Variants in MACROH2A1 observed in about 807,000 individuals in gnomAD.
MACROH2A1 encodes macroH2A.1 histone, also known as core histone macro-H2A.1.
In MACROH2A1, 2 loss-of-function variants were observed where a neutral mutation model predicts 31.6. That is an observed-to-expected ratio of 0.06 (90% CI 0.03 to 0.20). The LOEUF is 0.20. MACROH2A1 is among the 10% of genes least tolerant of loss of function. The pLI is 1.00. For synonymous variants in MACROH2A1, 169 were observed against 189.6 expected, an observed-to-expected ratio of 0.89 and a Z score of 0.89; for missense variants, 230 against 474.0, an observed-to-expected ratio of 0.49 and a Z score of 4.78.
At chr5:135,364,250 G>A (rs1432281824) in intron 4 of MACROH2A1, among the ~76,000 whole-genome samples, 1 of 152,176 alleles carries the variant, frequency 6.6e-6, no homozygotes, top group Admixed American at 6.5e-5. Context: ...GAGGGTGTGG[G>A]GCTGGGGGAA....
At chr5:135,357,235 T>G (rs1762283133) in intron 5 of MACROH2A1, 1 of 152,240 alleles carries the variant, frequency 6.6e-6, no homozygotes, top group Non-Finnish European at 1.5e-5. Context: ...TAGATACTGC[T>G]GGATGTCCAG....
rs147472696 is a variant in MACROH2A1, at chr5:135,364,753, A to T, written c.478-4146T>A. The stretch of plus-strand genomic sequence containing the variant: ...TCTTATTCTAATGTTTGAACAACCT[A>T]AAATTTCAATAGAAGGCCAGCAAAT... On this transcript the variant is annotated intron_variant, in intron 4 of 8. Coordinates refer to ENST00000511689, the MANE Select transcript of MACROH2A1 (RefSeq NM_138610.3). Among the ~76,000 whole-genome samples the T allele has an allele frequency of 4.6e-5, 7 of 152,344 alleles. No homozygotes were observed. In the East Asian group the frequency reaches 1.2e-3, roughly 25 times the overall value.
chr5:135,382,935 G>C (rs1765852230), intron 2 of MACROH2A1, among the ~76,000 whole-genome samples: 2 of 152,336 alleles, frequency 1.3e-5, no homozygotes, highest in African/African-American at 4.8e-5. Context: ...CTCTACAGCT[G>C]GATTCACATG....
At chr5:135,345,140 G>A (rs1760618364) in intron 7 of MACROH2A1, 1 of 152,256 alleles carries the variant, frequency 6.6e-6, no homozygotes, top group African/African-American at 2.4e-5. Flanking sequence ...AGAGGTCAAA[G>A]GCACAGATCA....
At chr5:135,373,001 C>T (rs570757189) in intron 2 of MACROH2A1, among the ~76,000 whole-genome samples, 106 of 152,290 alleles carry the variant, frequency 7.0e-4, no homozygotes, top group African/African-American at 2.5e-3. Flanking sequence ...CTTTATCTGC[C>T]CCCTCATTAA....
intron 8 of MACROH2A1, among the ~76,000 whole-genome samples, chr5:135,337,052 A>G (rs193300746): frequency 1.3e-5 from 2 of 152,310 alleles, no homozygotes; most frequent in East Asian, 3.9e-4. Flanking sequence ...AGCTGTGAGA[A>G]GTTGCATTTT....
chr5:135,362,100 G>A (rs549708935), intron 4 of MACROH2A1: 1 of 152,294 alleles, frequency 6.6e-6, no homozygotes, highest in Admixed American at 6.5e-5. Flanking sequence ...ATACTTTTCA[G>A]GAGCCAAGAA....
intron 2 of MACROH2A1, among the ~76,000 whole-genome samples, chr5:135,379,656 G>A (rs1373899787): frequency 6.6e-6 from 1 of 152,162 alleles, no homozygotes; most frequent in Non-Finnish European, 1.5e-5. Context: ...CTGTAAATAT[G>A]TTCTATCGGT....
intron 2 of MACROH2A1, among the ~76,000 whole-genome samples, chr5:135,384,737 C>T (rs531725548): frequency 6.6e-6 from 1 of 152,334 alleles, no homozygotes; most frequent in South Asian, 2.1e-4. Context: ...AATGTCCAGG[C>T]ATGGAATAAG....
intron 4 of MACROH2A1, chr5:135,361,137 G>A (rs751465559): frequency 1.7e-4 from 39 of 235,614 alleles, no homozygotes; most frequent in South Asian, 3.1e-4. Flanking sequence ...TGAACCATCT[G>A]TCTCCCTGCA....
intron 2 of MACROH2A1, among the ~76,000 whole-genome samples, chr5:135,372,742 T>C (rs1764335178): frequency 6.6e-6 from 1 of 152,156 alleles, no homozygotes; most frequent in Admixed American, 6.5e-5. Flanking sequence ...ACACAGAGCC[T>C]GGGAGCAATG....
chr5:135,369,319 CA>C lies in MACROH2A1; in HGVS notation c.477+86del. 2.8e-6 allele frequency: 3 copies of C among 1,070,474 alleles called. No individual in the cohort carries two copies. The highest frequency in any genetic ancestry group is 4.3e-6 in the Non-Finnish European group (3 of 693,146). The allele number at this position is 1,070,474 out of a possible 1,614,324, so 66.3% of individuals were successfully genotyped here. A position where few individuals can be genotyped will look rare whatever the true frequency, so the allele number is the denominator to read the frequency against. The stretch of plus-strand genomic sequence containing the variant: ...TTCTCCCATCAGTGGGATGAGCCCA[CA>C]GGGGGAATGAGGGGGGTGCCCTGGT... On this transcript the variant is annotated intron_variant, in intron 4 of 8. Transcript: ENST00000511689. The surrounding 1 kb of genome is among the most constrained non-coding windows in gnomAD (Gnocchi z 4.3).
rs563820350 is a variant in MACROH2A1, at chr5:135,356,827, A to C, written c.588+3670T>G. 33 of 152,288 alleles carry C rather than the reference A, an allele frequency of 2.2e-4. No individual in the cohort carries two copies. In the East Asian group the frequency reaches 6.4e-3, roughly 29 times the overall value. The allele number at this position is 152,288 out of a possible 1,614,324, so 9.4% of individuals were successfully genotyped here. On this transcript the variant is annotated intron_variant, in intron 5 of 8. Coordinates refer to ENST00000511689, the MANE Select transcript of MACROH2A1 (RefSeq NM_138610.3). Reference sequence around the variant, plus strand: ...TTTAAAAAAATATGATTAGAAACCCAATTTTAGTTAATGAAAGTGGCTGTT... The same window carrying C: ...TTTAAAAAAATATGATTAGAAACCCCATTTTAGTTAATGAAAGTGGCTGTT...
intron 4 of MACROH2A1, among the ~76,000 whole-genome samples, chr5:135,366,582 TAAA>T (rs534419109): frequency 7.0e-6 from 1 of 143,300 alleles, no homozygotes. Context: ...GATTTTTATT[TAAA>T]AAAAAAAAAA....
chr5:135,351,206 G>C, intron 6 of MACROH2A1: 1 of 228,502 alleles, frequency 4.4e-6, no homozygotes. Context: ...TGAATGCCCC[G>C]TTTCACTTCG....
intron 6 of MACROH2A1, chr5:135,350,811 G>A (rs200351213): frequency 6.4e-6 from 10 of 1,570,786 alleles, no homozygotes; most frequent in South Asian, 1.1e-5. Flanking sequence ...GCAGCACCCG[G>A]CTAGGCATTA....
intron 8 of MACROH2A1, among the ~76,000 whole-genome samples, chr5:135,336,443 C>G (rs1202411582): frequency 3.3e-5 from 5 of 152,210 alleles, no homozygotes. Flanking sequence ...TGCCCCCAGC[C>G]TATGTGAAGG....
At chr5:135,353,801 C>G (rs1224375696) in intron 5 of MACROH2A1, 2 of 152,152 alleles carry the variant, frequency 1.3e-5, no homozygotes, top group African/African-American at 4.8e-5. Flanking sequence ...TTTGTTCTTT[C>G]TGAAGAGCCA....
intron 2 of MACROH2A1, among the ~76,000 whole-genome samples, chr5:135,381,723 A>G (rs1185493700): frequency 6.6e-6 from 1 of 152,274 alleles, no homozygotes; most frequent in African/African-American, 2.4e-5. Flanking sequence ...ACAGCAGATT[A>G]GATACAGCTG....
Sources: allele counts gnomAD v4.1 joint callset (sites outside exome capture counted in the v4.1 genomes callset), GRCh38; gene constraint gnomAD v4.1.1; non-coding constraint Gnocchi (gnomAD v3.1); transcripts MANE v1.5; gene names NCBI Gene and HGNC (gene_info 2026-07-23, HGNC 2026-07-21).